Variants in RAB3C observed in about 807,000 individuals in gnomAD.
RAB3C encodes the protein RAB3C, member RAS oncogene family.
Under a neutral mutation model 26.4 loss-of-function variants are expected in RAB3C, and 17 were observed. The observed-to-expected ratio is 0.64, with a 90% CI of 0.44 to 0.97. The LOEUF (loss-of-function observed/expected upper bound fraction) is 0.97. Among genes scored for constraint, RAB3C ranks in the 50% least tolerant of loss-of-function variants. The pLI, the probability that RAB3C is intolerant of heterozygous loss-of-function variation, is 0.00. For synonymous variants in RAB3C, 91 were observed against 95.9 expected (o/e 0.95, Z 0.30); for missense variants, 242 against 281.9 (o/e 0.86, Z 1.01).
chr5:58,596,999 T>C lies in RAB3C; in HGVS notation c.24+13767T>C, dbSNP rs1392499010. 6.7e-3 allele frequency among the ~76,000 whole-genome samples: 555 copies of C among 83,328 alleles called. 5 individuals are homozygous for C. Among genetic ancestry groups the C allele is most frequent in the African/African-American group, 0.025 (492 of 19,332 alleles). 54.7% of individuals were successfully genotyped at this position (83,328 alleles called of 152,430 possible). A position where few individuals can be genotyped will look rare whatever the true frequency, so the allele number is the denominator to read the frequency against. On this transcript the variant is annotated intron_variant, in intron 1 of 4. Transcript: ENST00000282878. ...ACATATAATAATATATAATGCATAA[T>C]ATAATATATAAATATATAATAATAT...
Position 58,858,621 on chromosome 5 carries a change from G to A in RAB3C, c.*7270G>A, listed in dbSNP as rs1467344754. On this transcript the variant is annotated 3_prime_UTR_variant, in exon 5 of 5. Coordinates refer to ENST00000282878, the MANE Select transcript of RAB3C (RefSeq NM_138453.4). ...ATAATTCCGGAAAGAATTAGGTAGT[G>A]AGGAGATTGTGCCAGGAAAATAAGT... 1.3e-5 allele frequency: 2 copies of A among 152,212 alleles called. No individual in the cohort carries two copies. Among genetic ancestry groups the A allele is most frequent in the African/African-American group, 2.4e-5 (1 of 41,464 alleles). The allele number at this position is 152,212 out of a possible 1,614,324, so 9.4% of individuals were successfully genotyped here.
chr5:58,840,197 T>C (rs1743848008), intron 4 of RAB3C, among the ~76,000 whole-genome samples: 1 of 151,990 alleles, frequency 6.6e-6, no homozygotes, highest in Admixed American at 6.6e-5. Context: ...TTATATTATT[T>C]CAAAAGCCCT....
At chr5:58,615,678 T>C (rs567379563) in intron 1 of RAB3C, among the ~76,000 whole-genome samples, 1 of 152,302 alleles carries the variant, frequency 6.6e-6, no homozygotes, top group African/African-American at 2.4e-5. Flanking sequence ...GAGGCCGACC[T>C]CTGCCCACTG....
At chr5:58,616,714 G>A (rs1477159675) in intron 1 of RAB3C, among the ~76,000 whole-genome samples, 1 of 152,132 alleles carries the variant, frequency 6.6e-6, no homozygotes, top group Admixed American at 6.6e-5. Flanking sequence ...GCAGGAAACT[G>A]CAGCACACCA....
At chr5:58,771,644 T>G (rs1212286889) in intron 3 of RAB3C, among the ~76,000 whole-genome samples, 4 of 152,088 alleles carry the variant, frequency 2.6e-5, no homozygotes, top group Non-Finnish European at 4.4e-5. Context: ...TGTCAATAAC[T>G]TTTTTGTAAC....
At chr5:58,643,774 T>A (rs1326044059) in intron 2 of RAB3C, among the ~76,000 whole-genome samples, 2 of 152,232 alleles carry the variant, frequency 1.3e-5, no homozygotes, top group African/African-American at 4.8e-5. Flanking sequence ...ATCACTGATT[T>A]TCATCTATAT....
chr5:58,810,385 C>CTGTGTGTG (rs70973156), intron 3 of RAB3C, among the ~76,000 whole-genome samples: 13 of 146,912 alleles, frequency 8.8e-5, no homozygotes, highest in Non-Finnish European at 1.5e-4. Context: ...CTCTCTCTCT[C>CTGTGTGTG]TGTGTGTGTG....
At chr5:58,610,232 T>G (rs927314162) in intron 1 of RAB3C, among the ~76,000 whole-genome samples, 2 of 32,404 alleles carry the variant, frequency 6.2e-5, no homozygotes, top group Admixed American at 6.3e-4. Context: ...GTACATACGT[T>G]TTTATTTCTC....
chr5:58,584,970 A>G (rs901141241), intron 1 of RAB3C, among the ~76,000 whole-genome samples: 2 of 152,084 alleles, frequency 1.3e-5, no homozygotes, highest in African/African-American at 4.8e-5. Flanking sequence ...GTGATTTTCT[A>G]TTTTAGTCAA....
At chr5:58,843,446 G>A (rs931547927) in intron 4 of RAB3C, among the ~76,000 whole-genome samples, 1 of 152,192 alleles carries the variant, frequency 6.6e-6, no homozygotes, top group African/African-American at 2.4e-5. Flanking sequence ...CTATTGAAAT[G>A]TTAAGAAGTT....
Position 58,626,551 on chromosome 5 carries a change from A to G in RAB3C, c.252+8681A>G, listed in dbSNP as rs568950166. Among the ~76,000 whole-genome samples, 8 of 152,326 alleles carry G rather than the reference A, an allele frequency of 5.3e-5. No homozygotes were observed. The South Asian group carries it at 1.7e-3, about 32-fold the overall frequency. On this transcript the variant is annotated intron_variant, in intron 2 of 4. Transcript: ENST00000282878. ...AAGCCAGGCTGTCTGAGTTCAAATT[A>G]TGGCTGTAAGATTTGTGGATATTAT...
chr5:58,791,968 G>A (rs1742533126), intron 3 of RAB3C, among the ~76,000 whole-genome samples: 1 of 152,188 alleles, frequency 6.6e-6, no homozygotes, highest in South Asian at 2.1e-4. Context: ...GATGATATTG[G>A]CCAGTAATAA....
chr5:58,632,916 C>A (rs1262133205), intron 2 of RAB3C, among the ~76,000 whole-genome samples: 2 of 152,192 alleles, frequency 1.3e-5, no homozygotes, highest in Non-Finnish European at 2.9e-5. Context: ...AGTTTAGAAG[C>A]ATTTTCTCTC....
At chr5:58,662,884 A>G (rs1336487851) in intron 2 of RAB3C, among the ~76,000 whole-genome samples, 1 of 150,348 alleles carries the variant, frequency 6.7e-6, no homozygotes, top group Non-Finnish European at 1.5e-5. Context: ...TATGTTTGTC[A>G]GAACTTATTG....
At chr5:58,744,696 T>C (rs933193359) in intron 3 of RAB3C, among the ~76,000 whole-genome samples, 63 of 152,304 alleles carry the variant, frequency 4.1e-4, no homozygotes, top group African/African-American at 1.4e-3. Flanking sequence ...TATTATGTTT[T>C]TTAAAAAACA....
chr5:58,589,268 T>G (rs1000817897), intron 1 of RAB3C, among the ~76,000 whole-genome samples: 1 of 152,190 alleles, frequency 6.6e-6, no homozygotes, highest in African/African-American at 2.4e-5. Flanking sequence ...TAAACCCTAT[T>G]GGTCATGATA....
At chr5:58,745,392 CAAAAAAAAAAAAAAA>C (rs1173604247) in intron 3 of RAB3C, among the ~76,000 whole-genome samples, 1 of 33,110 alleles carries the variant, frequency 3.0e-5, no homozygotes, top group South Asian at 1.2e-3. Flanking sequence ...GACTCTGCTT[CAAAAAAAAAAAAAAA>C]AAAAAAAAAA....
intron 4 of RAB3C, 110 bp from the exon 5 acceptor site, chr5:58,851,054 A>T: frequency 9.6e-7 from 1 of 1,037,588 alleles, no homozygotes; most frequent in Non-Finnish European, 1.4e-6. Flanking sequence ...CAAACCTACC[A>T]CCCACTGATG....
chr5:58,587,194 T>C (rs919640146), intron 1 of RAB3C, among the ~76,000 whole-genome samples: 1 of 152,168 alleles, frequency 6.6e-6, no homozygotes, highest in African/African-American at 2.4e-5. Flanking sequence ...CCATTGAAAC[T>C]GCAAAATTAT....
Sources: allele counts gnomAD v4.1 joint callset (sites outside exome capture counted in the v4.1 genomes callset), GRCh38; gene constraint gnomAD v4.1.1; transcripts MANE v1.5; gene names NCBI Gene and HGNC (gene_info 2026-07-23, HGNC 2026-07-21).